The following OCLN variants were observed in gnomAD, a reference collection of about 807,000 sequenced individuals.
OCLN encodes the protein phosphatase 1, regulatory subunit 115.
OCLN carries 21 observed loss-of-function variants against 47.9 expected under a neutral mutation model. The ratio of observed to expected loss-of-function variants is 0.44; its 90% CI spans 0.31 to 0.63. The LOEUF is 0.63. Among genes scored for constraint, OCLN ranks in the 30% least tolerant of loss-of-function variants. OCLN has a pLI of 0.08. For synonymous variants in OCLN, 117 were observed against 198.4 expected, an observed-to-expected ratio of 0.59 and a Z score of 3.45; for missense variants, 360 against 571.0, an observed-to-expected ratio of 0.63 and a Z score of 3.77.
chr5:69,520,723 C>T (rs1004952431), intron 4 of OCLN, among the ~76,000 whole-genome samples: 1 of 151,932 alleles, frequency 6.6e-6, no homozygotes, highest in Non-Finnish European at 1.5e-5. Flanking sequence ...AGCTCTGTCA[C>T]CCGTGTTGGA....
chr5:69,517,418 C>A (rs1027449518), intron 4 of OCLN, among the ~76,000 whole-genome samples: 10 of 151,520 alleles, frequency 6.6e-5, no homozygotes, highest in Admixed American at 6.6e-4. Context: ...TCAAGAGATT[C>A]TCCTGCCTTG....
chr5:69,509,557 T>G lies in OCLN; in HGVS notation c.467T>G (p.Phe156Cys). 1 of 1,614,220 alleles carries G rather than the reference T, an allele frequency of 6.2e-7. No individual in the cohort carries two copies. The highest frequency in any genetic ancestry group is 1.1e-5 in the South Asian group (1 of 91,088). ...TGTTTCATTGCCGCGTTGGTGATCTTTGTTACCAGTGTTATAAGATCTGAA... is the reference window on the plus strand; with the variant it reads ...TGTTTCATTGCCGCGTTGGTGATCTGTGTTACCAGTGTTATAAGATCTGAA... The part of the protein sequence containing the change: ...AFCFIAALVI[F>C]VTSVIRSEMS... The change falls in exon 3 of 9, where the codon TTT becomes TGT. Residue 156 changes from phenylalanine to cysteine, a missense_variant. Physicochemically the swap from Phe to Cys is radical, Grantham distance 205 (BLOSUM62 -2). This residue lies in a region of OCLN where 314 missense variants were observed against 368.1 expected (regional missense o/e 0.85). Transcript: ENST00000396442.
intron 3 of OCLN, 46 bp from the exon 4 acceptor site, chr5:69,513,901 TA>T: frequency 6.7e-7 from 1 of 1,483,896 alleles, no homozygotes. Flanking sequence ...GAATTGTGAT[TA>T]AGCAATTAAA....
At chr5:69,528,830 T>A (rs1769352289) in intron 4 of OCLN, among the ~76,000 whole-genome samples, 1 of 152,232 alleles carries the variant, frequency 6.6e-6, no homozygotes, top group Admixed American at 6.5e-5. Flanking sequence ...TTCCCTTTCC[T>A]TCTTAGAGGT....
chr5:69,502,483 A>G (rs1306296807), intron 1 of OCLN: 11 of 152,176 alleles, frequency 7.2e-5, no homozygotes, highest in African/African-American at 2.7e-4. Context: ...CATTCAACAA[A>G]TTATCTGGAC....
chr5:69,530,328 C>T (rs537201404), intron 4 of OCLN, among the ~76,000 whole-genome samples: 31 of 152,150 alleles, frequency 2.0e-4, no homozygotes, highest in Admixed American at 5.2e-4. Context: ...ATAGGAAATA[C>T]AGGTTGGGGA....
At chr5:69,547,485 C>T (rs1476179617) in intron 6 of OCLN, among the ~76,000 whole-genome samples, 2 of 121,986 alleles carry the variant, frequency 1.6e-5, no homozygotes, top group Admixed American at 8.4e-5. Flanking sequence ...GCACGAAAAT[C>T]GCTTGAACCC....
In OCLN at chr5:69,554,642, GT is replaced by G. The variant is rs1234366198; in HGVS notation, c.*973del. ...ACCACACTCAGGAGTTGTATCTGTT[GT>G]TGTTTATACTCCTTTGGATGCTGTG... On this transcript the variant is annotated 3_prime_UTR_variant, in exon 9 of 9. Transcript: ENST00000396442. 6.6e-6 allele frequency: 1 copy of G among 151,896 alleles called. No homozygotes were observed. Among genetic ancestry groups the G allele is most frequent in the African/African-American group, 2.4e-5 (1 of 41,344 alleles). The allele number at this position is 151,896 out of a possible 1,614,324, so 9.4% of individuals were successfully genotyped here.
In OCLN at chr5:69,534,789, C is replaced by T; in HGVS notation, c.987C>T (p.Gly329=). Residue 329 remains glycine (G), a synonymous_variant, in exon 5 of 9, where the codon GGC becomes GGT. Coordinates refer to ENST00000396442, the MANE Select transcript of OCLN (RefSeq NM_001205254.2). The stretch of plus-strand genomic sequence containing the variant: ...GTCCCATGGCATACTCTTCCAATGG[C>T]AAAGTGAATGACAAGCGGTTTTATC... The part of the protein sequence containing the change: ...VDSPMAYSSN[G]KVNDKRFYPE... 1 of 1,355,144 alleles carries T rather than the reference C, an allele frequency of 7.4e-7. No homozygotes were observed. The highest frequency in any genetic ancestry group is 1.0e-6 in the Non-Finnish European group (1 of 974,940). 83.9% of individuals were successfully genotyped at this position (1,355,144 alleles called of 1,614,324 possible).
At chr5:69,515,544 C>A (rs1768923871) in intron 4 of OCLN, among the ~76,000 whole-genome samples, 1 of 149,470 alleles carries the variant, frequency 6.7e-6, no homozygotes, top group African/African-American at 2.4e-5. Context: ...GCTGACCCCC[C>A]CCCACCTCCC....
At chr5:69,520,910 C>T (rs1334546715) in intron 4 of OCLN, among the ~76,000 whole-genome samples, 2 of 152,114 alleles carry the variant, frequency 1.3e-5, no homozygotes, top group Non-Finnish European at 2.9e-5. Context: ...TGCAATGGCG[C>T]AATCTCAGCT....
intron 4 of OCLN, among the ~76,000 whole-genome samples, chr5:69,517,758 TCTTATGTCCCTGCC>T (rs1769017556): frequency 6.6e-6 from 1 of 152,138 alleles, no homozygotes; most frequent in Admixed American, 6.5e-5. Flanking sequence ...AGACGATAGT[TCTTATGTCCCTGCC>T]CTTGACTTGA....
At chr5:69,518,878 A>C (rs906459222) in intron 4 of OCLN, among the ~76,000 whole-genome samples, 16 of 152,222 alleles carry the variant, frequency 1.1e-4, no homozygotes, top group South Asian at 4.1e-4. Flanking sequence ...AGAAAAACTC[A>C]TGTCTGTAAT....
At chr5:69,512,664 C>A (rs1021094283) in intron 3 of OCLN, among the ~76,000 whole-genome samples, 4 of 152,160 alleles carry the variant, frequency 2.6e-5, no homozygotes, top group African/African-American at 9.7e-5. Flanking sequence ...AATTACAAGT[C>A]TTCTGATTCA....
rs942681114 is a variant in OCLN at position 69,493,868 on chromosome 5, C to G, written c.-69+968C>G. On this transcript the variant is annotated intron_variant, in intron 1 of 8. Transcript: ENST00000396442. This position sits in a 1 kb window ranked among gnomAD's most constrained non-coding sequence, Gnocchi z 5.3. ...TGCGCCTAGGGGTTGGGAGCGGCGC[C>G]GAGCCCCTCGCGCTCCTCGGGAAGC... Among the ~76,000 whole-genome samples the G allele has an allele frequency of 6.6e-6, 1 of 152,148 alleles. No homozygotes were observed. Among genetic ancestry groups the G allele is most frequent in the Non-Finnish European group, 1.5e-5 (1 of 68,010 alleles).
Position 69,509,572 on chromosome 5 carries a change from T to C in OCLN, c.482T>C (p.Ile161Thr), listed in dbSNP as rs2111975479. 8.1e-6 allele frequency: 13 copies of C among 1,614,204 alleles called. No individual in the cohort carries two copies. The highest frequency in any genetic ancestry group is 1.3e-5 in the African/African-American group (1 of 75,052). The change falls in exon 3 of 9, where the codon ATA becomes ACA. Residue 161 changes from isoleucine (I) to threonine (T), a missense_variant. Physicochemically the swap from Ile to Thr is moderately conservative, Grantham distance 89. Transcript: ENST00000396442. ...AALVIFVTSV[I>T]RSEMSRTRRY... Reference sequence around the variant, plus strand: ...TTGGTGATCTTTGTTACCAGTGTTATAAGATCTGAAATGTCCAGAACAAGA... The same window carrying C: ...TTGGTGATCTTTGTTACCAGTGTTACAAGATCTGAAATGTCCAGAACAAGA...
intron 4 of OCLN, among the ~76,000 whole-genome samples, chr5:69,521,799 A>G (rs1485806935): frequency 6.6e-6 from 1 of 152,212 alleles, no homozygotes; most frequent in East Asian, 1.9e-4. Flanking sequence ...AGTAAAAATA[A>G]AGTTTCATTT....
Position 69,553,814 on chromosome 5 carries a change from A to G in OCLN, c.*143A>G. ...TTTTGGTTGCTTTAACATCATCAGT[A>G]TTGAAGCATTTTATAAATCGCTTTT... is the stretch of plus-strand genomic sequence containing the variant. On this transcript the variant is annotated 3_prime_UTR_variant, in exon 9 of 9. Coordinates refer to ENST00000396442, the MANE Select transcript of OCLN (RefSeq NM_001205254.2). The G allele has an allele frequency of 4.0e-6, 5 of 1,261,056 alleles. No individual in the cohort carries two copies. The South Asian group carries it at 6.7e-5, about 17-fold the overall frequency. 78.1% of individuals were successfully genotyped at this position (1,261,056 alleles called of 1,614,324 possible).
At chr5:69,503,509 C>T (rs1768515484) in intron 1 of OCLN, among the ~76,000 whole-genome samples, 1 of 152,194 alleles carries the variant, frequency 6.6e-6, no homozygotes, top group South Asian at 2.1e-4. Context: ...AGCCAGGACC[C>T]CAGCGCTGGC....
Sources: allele counts gnomAD v4.1 joint callset (sites outside exome capture counted in the v4.1 genomes callset), GRCh38; gene constraint gnomAD v4.1.1; regional missense constraint gnomAD v4.1.1; non-coding constraint Gnocchi (gnomAD v3.1); transcripts MANE v1.5; gene names NCBI Gene and HGNC (gene_info 2026-07-23, HGNC 2026-07-21).